The following SI variants were observed in gnomAD, a reference collection of about 807,000 sequenced individuals.
The protein encoded by SI is sucrase-isomaltase.
In SI, 235 loss-of-function variants were observed where a neutral mutation model predicts 253.3. The ratio of observed to expected loss-of-function variants is 0.93; its 90% confidence interval spans 0.83 to 1.03. SI has a LOEUF of 1.03. Ranked by LOEUF, SI falls within the 50% of genes least tolerant of loss-of-function variation. SI has a pLI of 0.00. For synonymous variants in SI, 819 were observed against 712.0 expected (o/e 1.15, Z -2.39); for missense variants, 2,442 against 2,211.1 (o/e 1.10, Z -2.09).
At chr3:165,000,984 G>A (rs959024464) in intron 37 of SI, among the ~76,000 whole-genome samples, 1 of 150,968 alleles carries the variant, frequency 6.6e-6, no homozygotes, top group Non-Finnish European at 1.5e-5. Context: ...TTTTATAGAA[G>A]TAAAACCAGA....
Position 164,992,209 on chromosome 3 carries a change from C to G in SI, c.4951G>C (p.Val1651Leu). Residue 1651 changes from valine (V) to leucine (L), a missense_variant, in exon 43 of 48, where the codon GTC becomes CTC. Transcript: ENST00000264382. ...EPYVQTVNAYVPNARWFDYHT... is the reference protein window; with the variant it reads ...EPYVQTVNAYLPNARWFDYHT... Reference sequence around the variant, plus strand: ...TAGTCAAACCACCGAGCATTGGGGACGTAGGCATTTACAGTTTGAACATAC... The same window carrying G: ...TAGTCAAACCACCGAGCATTGGGGAGGTAGGCATTTACAGTTTGAACATAC... The G allele has an allele frequency of 6.2e-7, 1 of 1,611,834 alleles. No individual in the cohort carries two copies. The highest frequency in any genetic ancestry group is 1.1e-5 in the South Asian group (1 of 90,992).
Position 165,039,913 on chromosome 3 carries a change from A to G in SI, c.2218T>C (p.Leu740=). The G allele has an allele frequency of 6.2e-7, 1 of 1,613,196 alleles. No individual in the cohort carries two copies. Among genetic ancestry groups the G allele is most frequent in the Non-Finnish European group, 8.5e-7 (1 of 1,179,340 alleles). ...EDTEFLWGPA[L]LITPVLKQGA... is the part of the protein sequence containing the mutation. ...TGTTTTAGAACAGGAGTAATAAGTA[A>G]TGCAGGGCCCCACAAAAACTCAGTG... is the stretch of plus-strand genomic sequence containing the variant. The change falls in exon 19 of 48, where the codon TTA becomes CTA. Residue 740 remains leucine (L), a synonymous_variant. Transcript: ENST00000264382.
the SI span, among the ~76,000 whole-genome samples, chr3:165,086,659 C>T: frequency 4.6e-5 from 7 of 152,226 alleles, no homozygotes; most frequent in Non-Finnish European, 1.0e-4. Flanking sequence ...TTCCTTGAAC[C>T]CATTTGGCAG....
chr3:165,030,795 C>G lies in SI; in HGVS notation c.2809G>C (p.Glu937Gln). 4 of 1,593,718 alleles carry G rather than the reference C, an allele frequency of 2.5e-6. No homozygotes were observed. Among genetic ancestry groups the G allele is most frequent in the Non-Finnish European group, 2.6e-6 (3 of 1,169,554 alleles). Residue 937 changes from glutamate (E) to glutamine (Q), a missense_variant, in exon 25 of 48, where the codon GAA (glutamate) becomes CAA (glutamine). Coordinates refer to ENST00000264382, the MANE Select transcript of SI (RefSeq NM_001041.4). ...FSVQWNQIFS[E>Q]NERFNCYPDA... Reference sequence around the variant, plus strand: ...GGATAACAATTAAATCTTTCATTTTCTGAGAAAATTTGATTCCATTGAACA... The same window carrying G: ...GGATAACAATTAAATCTTTCATTTTGTGAGAAAATTTGATTCCATTGAACA...
At chr3:165,056,186 T>C (rs183545798) in intron 12 of SI, among the ~76,000 whole-genome samples, 7 of 152,276 alleles carry the variant, frequency 4.6e-5, no homozygotes, top group African/African-American at 1.7e-4. Context: ...GGAACAAAGC[T>C]GGTGTTAACA....
intron 3 of SI, among the ~76,000 whole-genome samples, chr3:165,069,875 A>G (rs1714445632): frequency 6.6e-6 from 1 of 151,564 alleles, no homozygotes; most frequent in South Asian, 2.1e-4. Flanking sequence ...ATAATTATAA[A>G]TCTATGTAAA....
chr3:165,036,607 A>C (rs1712545383), intron 21 of SI, 130 bp from the exon 22 acceptor site: 1 of 609,294 alleles, frequency 1.6e-6, no homozygotes. Context: ...GACATCAATA[A>C]ATTTGTATTT....
intron 12 of SI, among the ~76,000 whole-genome samples, chr3:165,055,625 CTA>C (rs1713659682): frequency 6.6e-6 from 1 of 151,718 alleles, no homozygotes; most frequent in African/African-American, 2.4e-5. Context: ...AATAAATATT[CTA>C]TATAATATAT....
chr3:165,067,572 T>C (rs1714313355), intron 5 of SI, 81 bp from the exon 6 acceptor site: 1 of 1,228,304 alleles, frequency 8.1e-7, no homozygotes, highest in Non-Finnish European at 1.2e-6. Context: ...TAAATGCAAG[T>C]TCCAAATAAA....
intron 3 of SI, among the ~76,000 whole-genome samples, chr3:165,069,812 T>C (rs1714440250): frequency 6.6e-6 from 1 of 151,788 alleles, no homozygotes; most frequent in Non-Finnish European, 1.5e-5. Context: ...AAATTATAAA[T>C]GTTTATTTAT....
chr3:164,985,882 C>A (rs1455897059), intron 45 of SI, among the ~76,000 whole-genome samples: 2 of 152,064 alleles, frequency 1.3e-5, no homozygotes, highest in Admixed American at 1.3e-4. Context: ...TCTTAGCAAG[C>A]TGTCCCAGGT....
Position 164,992,380 on chromosome 3 carries a change from G to A in SI, c.4859C>T (p.Pro1620Leu), listed in dbSNP as rs772978825. 1 of 1,610,006 alleles carries A rather than the reference G, an allele frequency of 6.2e-7. No homozygotes were observed. The highest frequency in any genetic ancestry group is 2.2e-5 in the East Asian group (1 of 44,736). ...GAACTGCTTGAATATATCCCAGGTT[G>A]GTTTTTCATCAAAGAACCTCGACAA... ...PLLHEFFDEK[P>L]TWDIFKQFLW... The change falls in exon 42 of 48, where the codon CCA becomes CTA. Residue 1620 changes from proline to leucine, a missense_variant. Coordinates refer to ENST00000264382, the MANE Select transcript of SI (RefSeq NM_001041.4).
intron 28 of SI, among the ~76,000 whole-genome samples, chr3:165,019,164 T>C (rs1719183808): frequency 6.6e-6 from 1 of 151,856 alleles, no homozygotes; most frequent in African/African-American, 2.4e-5. Context: ...TAATTAGCAC[T>C]TTGGCCACAT....
intron 21 of SI, among the ~76,000 whole-genome samples, chr3:165,037,128 A>G (rs933504475): frequency 1.1e-4 from 16 of 152,052 alleles, no homozygotes; most frequent in African/African-American, 3.1e-4. Flanking sequence ...TTACATTGTG[A>G]TACTAGTCCA....
chr3:165,046,763 A>C (rs1713135549), intron 16 of SI, 78 bp downstream of exon 16: 3 of 1,205,746 alleles, frequency 2.5e-6, no homozygotes, highest in Non-Finnish European at 3.6e-6. Context: ...TGATCATTTT[A>C]CTAAAATTAA....
chr3:165,024,453 C>T (rs907042228), intron 25 of SI, among the ~76,000 whole-genome samples: 1 of 151,266 alleles, frequency 6.6e-6, no homozygotes, highest in Admixed American at 6.6e-5. Context: ...TATTTATCTA[C>T]ATTTCCAATT....
chr3:165,059,134 A>C, intron 11 of SI, 34 bp downstream of exon 11: 2 of 1,611,768 alleles, frequency 1.2e-6, no homozygotes, highest in Non-Finnish European at 1.7e-6. Context: ...ACGTGTAAAC[A>C]CTAAAAATGT....
intron 37 of SI, among the ~76,000 whole-genome samples, chr3:165,002,055 G>T (rs897317863): frequency 6.6e-6 from 1 of 151,460 alleles, no homozygotes; most frequent in African/African-American, 2.4e-5. Context: ...CATTCAGAGG[G>T]AGTCAAAGAT....
At chr3:164,984,921 A>G (rs1159503201) in intron 45 of SI, among the ~76,000 whole-genome samples, 3 of 152,168 alleles carry the variant, frequency 2.0e-5, no homozygotes, top group Admixed American at 1.3e-4. Flanking sequence ...TTTGCTATAT[A>G]TGGTTTTCGC....
Sources: gnomAD v4.1 joint callset for allele counts (sites outside exome capture counted in the v4.1 genomes callset) on GRCh38, gnomAD v4.1.1 for gene constraint, MANE v1.5 for transcripts, NCBI Gene and HGNC (gene_info 2026-07-23, HGNC 2026-07-21) for gene names.